CSMD3: variants seen among roughly 807,000 people sequenced by gnomAD.
CSMD3 encodes CUB and Sushi multiple domains 3, also known as CUB and sushi domain-containing protein 3.
Under a neutral mutation model 435.2 loss-of-function variants are expected in CSMD3, and 177 were observed. The observed-to-expected ratio is 0.41, with a 90% CI of 0.36 to 0.46. CSMD3 has a LOEUF of 0.46. Among genes scored for constraint, CSMD3 ranks in the 20% least tolerant of loss-of-function variants. The pLI, the probability that CSMD3 is intolerant of heterozygous loss-of-function variation, is 0.34. For synonymous variants in CSMD3, 1,656 were observed against 1,520.5 expected (o/e 1.09, Z -2.07); for missense variants, 4,265 against 4,504.6 (o/e 0.95, Z 1.52).
chr8:113,233,715 GAT>G (rs2093116197), intron 3 of CSMD3, among the ~76,000 whole-genome samples: 1 of 151,534 alleles, frequency 6.6e-6, no homozygotes. Flanking sequence ...AGAAGGAAAA[GAT>G]AAAAAAATGC....
Position 112,522,730 on chromosome 8 carries a change from T to A in CSMD3, c.4565-5505A>T, listed in dbSNP as rs189960710. Among the ~76,000 whole-genome samples, 22 of 152,034 alleles carry A rather than the reference T, an allele frequency of 1.4e-4. No homozygotes were observed. The East Asian group carries it at 1.9e-3, about 13-fold the overall frequency. On this transcript the variant is annotated intron_variant, in intron 27 of 70. Transcript: ENST00000297405. ...TTTAATCGCTTTACTCTGTTATGAA[T>A]AACCTAGGGTTTGTTCAGAAAATAA...
chr8:113,395,418 C>T (rs2094478877), intron 1 of CSMD3, among the ~76,000 whole-genome samples: 1 of 151,866 alleles, frequency 6.6e-6, no homozygotes, highest in African/African-American at 2.4e-5. Flanking sequence ...CCCATCCTGG[C>T]TAACACAGTG....
intron 17 of CSMD3, among the ~76,000 whole-genome samples, chr8:112,661,317 G>T (rs1270218392): frequency 6.6e-6 from 1 of 152,262 alleles, no homozygotes; most frequent in Non-Finnish European, 1.5e-5. Flanking sequence ...CAGTACAAGT[G>T]AATTCATTTG....
At chr8:113,006,671 G>T (rs1242872256) in intron 6 of CSMD3, among the ~76,000 whole-genome samples, 1 of 151,924 alleles carries the variant, frequency 6.6e-6, no homozygotes, top group African/African-American at 2.4e-5. Context: ...GGGCAATAAT[G>T]TGTAACCTGT....
chr8:112,416,271 C>A (rs1811904697), intron 32 of CSMD3, among the ~76,000 whole-genome samples: 1 of 152,128 alleles, frequency 6.6e-6, no homozygotes. Flanking sequence ...TTATAAGTGT[C>A]TGGTATTTCC....
intron 24 of CSMD3, among the ~76,000 whole-genome samples, chr8:112,572,062 G>A (rs557887472): frequency 3.0e-4 from 45 of 151,372 alleles, no homozygotes; most frequent in Middle Eastern, 3.5e-3. Flanking sequence ...TTGCCCATCT[G>A]AGCAGATCAC....
At chr8:112,715,063 ATAAT>A (rs1273046949) in intron 13 of CSMD3, among the ~76,000 whole-genome samples, 2 of 152,194 alleles carry the variant, frequency 1.3e-5, no homozygotes, top group African/African-American at 4.8e-5. Context: ...AAGACAAAAA[ATAAT>A]TATTCAGGGC....
At chr8:112,839,151 C>T (rs2132522124) in intron 11 of CSMD3, among the ~76,000 whole-genome samples, 1 of 151,854 alleles carries the variant, frequency 6.6e-6, no homozygotes, top group South Asian at 2.1e-4. Flanking sequence ...ATCAGGTTAA[C>T]AGTTTCAATC....
chr8:113,349,853 C>A (rs973027965), intron 1 of CSMD3, among the ~76,000 whole-genome samples: 1 of 151,954 alleles, frequency 6.6e-6, no homozygotes, highest in Admixed American at 6.6e-5. Context: ...GTCACTCCCC[C>A]CGTTAAGATA....
At chr8:112,517,860 T>C (rs909933531) in intron 27 of CSMD3, among the ~76,000 whole-genome samples, 1 of 152,192 alleles carries the variant, frequency 6.6e-6, no homozygotes, top group Non-Finnish European at 1.5e-5. Context: ...TATGGCACTT[T>C]CTTACGAAAC....
At chr8:113,369,443 T>C (rs961892075) in intron 1 of CSMD3, among the ~76,000 whole-genome samples, 1 of 152,014 alleles carries the variant, frequency 6.6e-6, no homozygotes, top group Non-Finnish European at 1.5e-5. Context: ...GAAACTGTTG[T>C]ACATTGTTGG....
chr8:113,040,519 G>T (rs1587947171), intron 5 of CSMD3, among the ~76,000 whole-genome samples: 1 of 152,276 alleles, frequency 6.6e-6, no homozygotes, highest in East Asian at 1.9e-4. Flanking sequence ...GGCAATGGAG[G>T]TCAATAGAGA....
rs1588445422 is a variant in CSMD3, at chr8:113,287,423, T to C, written c.402-8719A>G. ...AAATAAATCATGCATATCCTATTGA[T>C]ATTGGAGTACATGAAGCACAGCACA... On this transcript the variant is annotated intron_variant, in intron 2 of 70. Coordinates refer to ENST00000297405, the MANE Select transcript of CSMD3 (RefSeq NM_198123.2). 3.9e-5 allele frequency among the ~76,000 whole-genome samples: 6 copies of C among 152,148 alleles called. No individual in the cohort carries two copies. The Middle Eastern group carries it at 0.017, about 431-fold the overall frequency.
At chr8:112,515,964 T>G (rs1431184926) in intron 28 of CSMD3, among the ~76,000 whole-genome samples, 1 of 152,100 alleles carries the variant, frequency 6.6e-6, no homozygotes, top group Non-Finnish European at 1.5e-5. Context: ...ACACAGTTAA[T>G]GACTAATGAA....
intron 11 of CSMD3, among the ~76,000 whole-genome samples, chr8:112,846,165 T>G (rs1300619709): frequency 6.7e-6 from 1 of 149,604 alleles, no homozygotes; most frequent in Admixed American, 6.6e-5. Flanking sequence ...GGAAAATGCA[T>G]GTAATCTTCT....
chr8:113,190,735 C>T (rs893395273), intron 3 of CSMD3, among the ~76,000 whole-genome samples: 3 of 151,360 alleles, frequency 2.0e-5, no homozygotes, highest in African/African-American at 7.3e-5. Context: ...CTTACTCTTC[C>T]TATGATTTTT....
intron 5 of CSMD3, among the ~76,000 whole-genome samples, chr8:113,024,452 C>T (rs2086799414): frequency 6.6e-6 from 1 of 151,826 alleles, no homozygotes; most frequent in Admixed American, 6.6e-5. Context: ...ATTAACTTCA[C>T]CTCTTTTGGA....
intron 7 of CSMD3, among the ~76,000 whole-genome samples, chr8:112,968,656 G>T (rs551525420): frequency 4.0e-4 from 61 of 151,968 alleles, no homozygotes; most frequent in Admixed American, 1.0e-3. Context: ...CCATTCTGTG[G>T]TAATTCTTTC....
chr8:112,507,963 G>T (rs1178539960), intron 28 of CSMD3, among the ~76,000 whole-genome samples: 1 of 151,906 alleles, frequency 6.6e-6, no homozygotes, highest in African/African-American at 2.4e-5. Flanking sequence ...TGTTTTTGTG[G>T]TACATTATAA....
Sources: gnomAD v4.1 joint callset for allele counts (sites outside exome capture counted in the v4.1 genomes callset) on GRCh38, gnomAD v4.1.1 for gene constraint, MANE v1.5 for transcripts, NCBI Gene and HGNC (gene_info 2026-07-23, HGNC 2026-07-21) for gene names.